CDH8: variants seen among roughly 807,000 people sequenced by gnomAD.
CDH8 encodes cadherin-8.
In CDH8, 17 loss-of-function variants were observed where a neutral mutation model predicts 68.1. That is an observed-to-expected ratio of 0.25 (90% CI 0.17 to 0.37). The LOEUF is 0.37. Among genes scored for constraint, CDH8 ranks in the 10% least tolerant of loss-of-function variants. The pLI, the probability that CDH8 is intolerant of heterozygous loss-of-function variation, is 1.00. For missense variants in CDH8, 763 were observed against 999.3 expected, an observed-to-expected ratio of 0.76 and a Z score of 3.19; for synonymous variants, 372 against 365.1, an observed-to-expected ratio of 1.02 and a Z score of -0.21.
intron 1 of CDH8, among the ~76,000 whole-genome samples, chr16:62,022,631 G>T (rs6498818): frequency 0.51 from 77,960 of 151,988 alleles, 21,333 homozygotes; most frequent in African/African-American, 0.71. Flanking sequence ...GGGAAAATAA[G>T]TTCTCAGGAC....
chr16:61,685,502 T>A (rs1964089914), intron 10 of CDH8, among the ~76,000 whole-genome samples: 1 of 151,936 alleles, frequency 6.6e-6, no homozygotes. Flanking sequence ...TAGTTCAACA[T>A]GGAGAAGAGA....
At chr16:61,907,513 T>TA (rs546018126) in intron 2 of CDH8, among the ~76,000 whole-genome samples, 3 of 150,980 alleles carry the variant, frequency 2.0e-5, no homozygotes, top group South Asian at 4.2e-4. Flanking sequence ...ACCCTGTATC[T>TA]AAAAAAAATA....
At chr16:61,927,206 T>C (rs1458085055) in intron 2 of CDH8, among the ~76,000 whole-genome samples, 1 of 152,170 alleles carries the variant, frequency 6.6e-6, no homozygotes, top group Non-Finnish European at 1.5e-5. Flanking sequence ...TTAGCTTCAG[T>C]TTCTATATTG....
rs1555516349 is a variant in CDH8, at chr16:61,864,341, G to GGTTGGTTA, written c.548-7104_548-7103insTAACCAAC. Among the ~76,000 whole-genome samples the GGTTGGTTA allele has an allele frequency of 7.2e-5, 11 of 151,740 alleles. No homozygotes were observed. The East Asian group carries it at 2.1e-3, about 29-fold the overall frequency. ...TGGTTGGTTGGTTGGTTGGTTGGTT[G>GGTTGGTTA]GTTGATTGAAAGTCTCCACCCCCTC... On this transcript the variant is annotated intron_variant, in intron 3 of 11. Coordinates refer to ENST00000577390, the MANE Select transcript of CDH8 (RefSeq NM_001796.5).
intron 2 of CDH8, among the ~76,000 whole-genome samples, chr16:62,001,494 G>A (rs902010271): frequency 6.6e-6 from 1 of 152,128 alleles, no homozygotes; most frequent in Non-Finnish European, 1.5e-5. Flanking sequence ...GAGACAAGTA[G>A]CCCAAGGTAA....
intron 4 of CDH8, among the ~76,000 whole-genome samples, chr16:61,846,318 A>G (rs1337501147): frequency 1.3e-5 from 2 of 152,102 alleles, no homozygotes; most frequent in African/African-American, 4.8e-5. Flanking sequence ...TCCAATTGGT[A>G]TAATTTTGGC....
chr16:61,977,804 GTATT>G (rs1222353582), intron 2 of CDH8, among the ~76,000 whole-genome samples: 23 of 152,222 alleles, frequency 1.5e-4, no homozygotes, highest in African/African-American at 5.1e-4. Flanking sequence ...TGGAGAAATT[GTATT>G]TATTAATTTC....
chr16:61,955,334 T>C (rs2143607185), intron 2 of CDH8, among the ~76,000 whole-genome samples: 1 of 152,368 alleles, frequency 6.6e-6, no homozygotes, highest in African/African-American at 2.4e-5. Flanking sequence ...AGGGGCCAGC[T>C]GTTCAAACCA....
chr16:61,881,113 CAT>C (rs1260368849), intron 3 of CDH8, among the ~76,000 whole-genome samples: 4 of 152,102 alleles, frequency 2.6e-5, no homozygotes, highest in African/African-American at 9.7e-5. Flanking sequence ...GATTGCAGCC[CAT>C]GAGAGGCTGA....
rs1963066746 is a variant in CDH8 at position 61,857,361 on chromosome 16, T to C, written c.548-123A>G. On this transcript the variant is annotated intron_variant, in intron 3 of 11. Coordinates refer to ENST00000577390, the MANE Select transcript of CDH8 (RefSeq NM_001796.5). Reference sequence around the variant, plus strand: ...GGGAATAAAAGGAAAAGAAATCTTTTTAAAAAGTTGAAGATAAACTGCTCT... The same window carrying C: ...GGGAATAAAAGGAAAAGAAATCTTTCTAAAAAGTTGAAGATAAACTGCTCT... 3 of 873,956 alleles carry C rather than the reference T, an allele frequency of 3.4e-6. No individual in the cohort carries two copies. In the Admixed American group the frequency reaches 8.8e-5, roughly 26 times the overall value. The allele number at this position is 873,956 out of a possible 1,614,324, so 54.1% of individuals were successfully genotyped here. A position where few individuals can be genotyped will look rare whatever the true frequency, so the allele number is the denominator to read the frequency against.
intron 5 of CDH8, 145 bp from the exon 6 acceptor site, chr16:61,821,258 G>C: frequency 1.8e-6 from 1 of 563,952 alleles, no homozygotes; most frequent in Non-Finnish European, 3.1e-6. Context: ...AGAAATATCC[G>C]TTTCCCTTCT....
intron 3 of CDH8, among the ~76,000 whole-genome samples, chr16:61,893,183 C>G (rs1402355162): frequency 6.6e-6 from 1 of 152,124 alleles, no homozygotes; most frequent in Admixed American, 6.6e-5. Flanking sequence ...ATCTCTGCCT[C>G]TGTCCTCAAA....
At chr16:61,697,918 T>C (rs1369734488) in intron 10 of CDH8, among the ~76,000 whole-genome samples, 3 of 152,244 alleles carry the variant, frequency 2.0e-5, no homozygotes, top group African/African-American at 7.2e-5. Flanking sequence ...TCATGCAACG[T>C]GCTTGAGGCA....
At chr16:61,776,122 G>A (rs562343299) in intron 8 of CDH8, among the ~76,000 whole-genome samples, 2 of 152,146 alleles carry the variant, frequency 1.3e-5, no homozygotes, top group South Asian at 2.1e-4. Flanking sequence ...GGATAGAAAA[G>A]GGAAGGCAGG....
At chr16:61,982,625 C>T (rs1965557687) in intron 2 of CDH8, among the ~76,000 whole-genome samples, 1 of 152,098 alleles carries the variant, frequency 6.6e-6, no homozygotes, top group Non-Finnish European at 1.5e-5. Flanking sequence ...TGTGTTAACT[C>T]GATAAGTTAA....
chr16:62,021,558 T>C lies in CDH8; in HGVS notation c.-155A>G, dbSNP rs1022249104. On this transcript the variant is annotated 5_prime_UTR_variant, in exon 2 of 12. Coordinates refer to ENST00000577390, the MANE Select transcript of CDH8 (RefSeq NM_001796.5). The stretch of plus-strand genomic sequence containing the variant: ...GGAAACAGACATCATCTAAGCAGCT[T>C]TTCTAAGACCACAATCCATTGGCTT... The C allele has an allele frequency of 1.5e-5, 21 of 1,406,424 alleles. No homozygotes were observed. The highest frequency in any genetic ancestry group is 5.9e-5 in the Admixed American group (2 of 33,948). The allele number at this position is 1,406,424 out of a possible 1,614,324, so 87.1% of individuals were successfully genotyped here. A position where few individuals can be genotyped will look rare whatever the true frequency, so the allele number is the denominator to read the frequency against.
At chr16:61,755,387 ATATT>A (rs1168577362) in intron 8 of CDH8, among the ~76,000 whole-genome samples, 22 of 152,286 alleles carry the variant, frequency 1.4e-4, no homozygotes, top group African/African-American at 3.8e-4. Context: ...ACATCTTTAT[ATATT>A]TATTAAATGT....
At chr16:61,948,666 C>T (rs1791918056) in intron 2 of CDH8, among the ~76,000 whole-genome samples, 1 of 152,116 alleles carries the variant, frequency 6.6e-6, no homozygotes, top group African/African-American at 2.4e-5. Flanking sequence ...GAAACAATAG[C>T]CCAACAATAG....
intron 4 of CDH8, among the ~76,000 whole-genome samples, chr16:61,833,015 G>T (rs1962493814): frequency 6.6e-6 from 1 of 151,576 alleles, no homozygotes; most frequent in Non-Finnish European, 1.5e-5. Context: ...AGCTAGATGA[G>T]AAATTATTTT....
Sources: gnomAD v4.1 joint callset for allele counts (sites outside exome capture counted in the v4.1 genomes callset) on GRCh38, gnomAD v4.1.1 for gene constraint, MANE v1.5 for transcripts, NCBI Gene and HGNC (gene_info 2026-07-23, HGNC 2026-07-21) for gene names.